The following POU2F1 variants were observed in gnomAD, a reference collection of about 807,000 sequenced individuals.
POU2F1 encodes POU class 2 homeobox 1.
POU2F1 carries 16 observed loss-of-function variants against 84.9 expected under a neutral mutation model. The observed-to-expected ratio is 0.19, with a 90% CI of 0.13 to 0.29. POU2F1 has a LOEUF of 0.29. Ranked by LOEUF, POU2F1 falls within the 10% of genes least tolerant of loss-of-function variation. The pLI is 1.00. For synonymous variants in POU2F1, 368 were observed against 368.3 expected (o/e 1.00, Z 0.01); for missense variants, 738 against 942.6 (o/e 0.78, Z 2.84).
In POU2F1 at chr1:167,307,876, A is replaced by G. The variant is rs961547537; in HGVS notation, c.62-24594A>G. On this transcript the variant is annotated intron_variant, in intron 1 of 15. Coordinates refer to ENST00000367866, the MANE Select transcript of POU2F1 (RefSeq NM_002697.4). ...CTGTTGTTCAATCTGGAATAGTTCC[A>G]TAAGTCTTTTTGATTTCTAGGGTCA... 2.6e-5 allele frequency among the ~76,000 whole-genome samples: 4 copies of G among 152,172 alleles called. No individual in the cohort carries two copies. In the East Asian group the frequency reaches 7.7e-4, roughly 29 times the overall value.
At chr1:167,336,625 G>A (rs531890184) in intron 2 of POU2F1, among the ~76,000 whole-genome samples, 3 of 151,952 alleles carry the variant, frequency 2.0e-5, no homozygotes, top group Non-Finnish European at 4.4e-5. Context: ...TAAATTAAGT[G>A]TAAGGACGAT....
intron 9 of POU2F1, among the ~76,000 whole-genome samples, chr1:167,394,087 C>G (rs568911917): frequency 9.5e-4 from 145 of 151,904 alleles, no homozygotes; most frequent in Middle Eastern, 3.4e-3. Flanking sequence ...GGCATGATCT[C>G]GGCTCACTGC....
At chr1:167,268,093 G>T (rs1652110069) in intron 1 of POU2F1, among the ~76,000 whole-genome samples, 1 of 151,992 alleles carries the variant, frequency 6.6e-6, no homozygotes, top group African/African-American at 2.4e-5. Flanking sequence ...CTTAGATATT[G>T]GTTCTGCTTG....
At chr1:167,276,035 C>T (rs1490618083) in intron 1 of POU2F1, among the ~76,000 whole-genome samples, 1 of 152,206 alleles carries the variant, frequency 6.6e-6, no homozygotes. Context: ...AGTAGTCCCC[C>T]TTTATCTGCT....
chr1:167,340,319 A>G (rs2101752187), intron 2 of POU2F1, among the ~76,000 whole-genome samples: 1 of 152,148 alleles, frequency 6.6e-6, no homozygotes, highest in East Asian at 1.9e-4. Context: ...ACCTCAGGTG[A>G]TCCGCCCACC....
chr1:167,294,132 A>G (rs934561210), intron 1 of POU2F1, among the ~76,000 whole-genome samples: 4 of 145,228 alleles, frequency 2.8e-5, no homozygotes, highest in Non-Finnish European at 6.0e-5. Flanking sequence ...GGAGATCAAG[A>G]CCATCCTGAT....
intron 1 of POU2F1, among the ~76,000 whole-genome samples, chr1:167,257,351 A>G (rs1409543134): frequency 6.6e-6 from 1 of 152,246 alleles, no homozygotes; most frequent in African/African-American, 2.4e-5. Context: ...AAAACAAGGA[A>G]GAGCACTACA....
chr1:167,426,197 C>T lies in POU2F1; in HGVS notation c.*10387C>T, dbSNP rs1334399071. 1 of 150,946 alleles carries T rather than the reference C, an allele frequency of 6.6e-6. No individual in the cohort carries two copies. Among genetic ancestry groups the T allele is most frequent in the Non-Finnish European group, 1.5e-5 (1 of 67,852 alleles). The allele number at this position is 150,946 out of a possible 1,614,324, so 9.4% of individuals were successfully genotyped here. ...TTGCATTAGTCTAACCTCAGTAATT[C>T]CAAAGCTTAGATGTATATTTTGGTA... On this transcript the variant is annotated 3_prime_UTR_variant, in exon 16 of 16. Transcript: ENST00000367866.
chr1:167,257,199 C>A (rs919943195), intron 1 of POU2F1, among the ~76,000 whole-genome samples: 1 of 152,156 alleles, frequency 6.6e-6, no homozygotes, highest in Non-Finnish European at 1.5e-5. Flanking sequence ...TGGTCTCTCA[C>A]TTTAAAATCT....
chr1:167,277,205 T>G (rs1652787659), intron 1 of POU2F1, among the ~76,000 whole-genome samples: 1 of 152,158 alleles, frequency 6.6e-6, no homozygotes, highest in South Asian at 2.1e-4. Flanking sequence ...TGGTAACTCC[T>G]GCTTTGTCTA....
rs1271237383 is a variant in POU2F1 at position 167,365,522 on chromosome 1, A to C, written c.183A>C (p.Ala61=). The change falls in exon 3 of 16, where the codon GCA becomes GCC. Residue 61 remains alanine, a synonymous_variant. Coordinates refer to ENST00000367866, the MANE Select transcript of POU2F1 (RefSeq NM_002697.4). The stretch of plus-strand genomic sequence containing the variant: ...AGCAGCCTGTGCCTGTAGGAGGAGC[A>C]ATCTCAACAGCCCAGGCGCAGGCTT... ...FQKQPVPVGG[A]ISTAQAQAFL... The C allele has an allele frequency of 2.5e-6, 4 of 1,603,728 alleles. No homozygotes were observed. The highest frequency in any genetic ancestry group is 3.4e-6 in the Non-Finnish European group (4 of 1,175,554).
intron 1 of POU2F1, among the ~76,000 whole-genome samples, chr1:167,235,520 T>A (rs1649384281): frequency 6.6e-6 from 1 of 152,200 alleles, no homozygotes; most frequent in African/African-American, 2.4e-5. Flanking sequence ...ATCTTAGTAG[T>A]TACATAATGC....
At chr1:167,407,877 G>A (rs139527297) in intron 13 of POU2F1, among the ~76,000 whole-genome samples, 3 of 152,074 alleles carry the variant, frequency 2.0e-5, no homozygotes, top group East Asian at 1.9e-4. Context: ...CCAAGAGAAC[G>A]ATCCATAAAA....
At chr1:167,303,126 C>T (rs1294020092) in intron 1 of POU2F1, among the ~76,000 whole-genome samples, 2 of 151,536 alleles carry the variant, frequency 1.3e-5, no homozygotes, top group Admixed American at 1.3e-4. Context: ...AGGTTAATGT[C>T]AAATGTGGAG....
chr1:167,384,900 G>A (rs1647847174), intron 8 of POU2F1, among the ~76,000 whole-genome samples: 1 of 151,950 alleles, frequency 6.6e-6, no homozygotes, highest in East Asian at 1.9e-4. Flanking sequence ...AGATTAGAAA[G>A]GAAGAAGTAA....
rs1316460288 is a variant in POU2F1, at chr1:167,421,810, G to A, written c.*6000G>A. 1 of 150,572 alleles carries A rather than the reference G, an allele frequency of 6.6e-6. No individual in the cohort carries two copies. Among genetic ancestry groups the A allele is most frequent in the East Asian group, 2.0e-4 (1 of 5,108 alleles). The allele number at this position is 150,572 out of a possible 1,614,324, so 9.3% of individuals were successfully genotyped here. A position where few individuals can be genotyped will look rare whatever the true frequency, so the allele number is the denominator to read the frequency against. ...AATAGTGGAAATAATTCTAGCTGTA[G>A]CATTTAGTTGAACTAATGTTTATTA... On this transcript the variant is annotated 3_prime_UTR_variant, in exon 16 of 16. Transcript: ENST00000367866.
At chr1:167,408,315 T>C (rs1649722696) in intron 13 of POU2F1, among the ~76,000 whole-genome samples, 1 of 152,172 alleles carries the variant, frequency 6.6e-6, no homozygotes, top group African/African-American at 2.4e-5. Flanking sequence ...TCGGAAAACA[T>C]CTTGGCAGTT....
At chr1:167,362,770 G>A (rs1484432977) in intron 2 of POU2F1, among the ~76,000 whole-genome samples, 2 of 152,086 alleles carry the variant, frequency 1.3e-5, no homozygotes, top group Non-Finnish European at 2.9e-5. Context: ...AGGGCTTTGG[G>A]ACCACCTAGG....
intron 5 of POU2F1, 24 bp downstream of exon 5, chr1:167,372,060 T>G (rs776448994): frequency 6.3e-7 from 1 of 1,598,560 alleles, no homozygotes; most frequent in Non-Finnish European, 8.5e-7. Flanking sequence ...GAGAGAATTA[T>G]AACAAACTTT....
Sources: gnomAD v4.1 joint callset for allele counts (sites outside exome capture counted in the v4.1 genomes callset) on GRCh38, gnomAD v4.1.1 for gene constraint, MANE v1.5 for transcripts, NCBI Gene and HGNC (gene_info 2026-07-23, HGNC 2026-07-21) for gene names.